The following EXTL3 variants were observed in gnomAD, a reference collection of about 807,000 sequenced individuals.
The protein encoded by EXTL3 is exostosin-like 3.
EXTL3 carries 27 observed loss-of-function variants against 69.3 expected under a neutral mutation model. The observed-to-expected ratio is 0.39, with a 90% CI of 0.29 to 0.54. EXTL3 has a LOEUF of 0.54. Ranked by LOEUF, EXTL3 falls within the 20% of genes least tolerant of loss-of-function variation. EXTL3 has a pLI of 0.69. For synonymous variants in EXTL3, 511 were observed against 499.4 expected (o/e 1.02, Z -0.31); for missense variants, 1,003 against 1,231.8 (o/e 0.81, Z 2.78).
At chr8:28,679,331 A>G (rs575307270) in intron 1 of EXTL3, among the ~76,000 whole-genome samples, 1 of 152,298 alleles carries the variant, frequency 6.6e-6, no homozygotes, top group South Asian at 2.1e-4. Context: ...CTGTAGTCCC[A>G]GCTACTCGGG....
chr8:28,712,577 T>TA (rs1801052770), intron 1 of EXTL3, among the ~76,000 whole-genome samples: 1 of 152,212 alleles, frequency 6.6e-6, no homozygotes, highest in African/African-American at 2.4e-5. Context: ...TAGAGGCTGA[T>TA]ATGTTTATTG....
At chr8:28,642,919 A>G (rs1806766704) in intron 1 of EXTL3, among the ~76,000 whole-genome samples, 1 of 149,090 alleles carries the variant, frequency 6.7e-6, no homozygotes, top group African/African-American at 2.5e-5. Flanking sequence ...GCAAAAGAAA[A>G]TGTGCAATAC....
At chr8:28,636,455 G>A (rs1806657443) in intron 1 of EXTL3, among the ~76,000 whole-genome samples, 1 of 152,150 alleles carries the variant, frequency 6.6e-6, no homozygotes, top group Non-Finnish European at 1.5e-5. Flanking sequence ...GATTGGGGCT[G>A]GAAGGATCTT....
chr8:28,740,247 T>C (rs1041720890), intron 5 of EXTL3: 3 of 152,224 alleles, frequency 2.0e-5, no homozygotes, highest in African/African-American at 7.2e-5. Context: ...CTTCATGCGC[T>C]TACCTGCCTG....
intron 3 of EXTL3, among the ~76,000 whole-genome samples, chr8:28,719,387 G>C (rs1352942017): frequency 6.6e-6 from 1 of 152,194 alleles, no homozygotes; most frequent in Non-Finnish European, 1.5e-5. Context: ...AAGCCAGTAT[G>C]TTTGTCTTGC....
At chr8:28,634,202 A>G (rs1411033686) in intron 1 of EXTL3, among the ~76,000 whole-genome samples, 2 of 152,136 alleles carry the variant, frequency 1.3e-5, no homozygotes, top group Non-Finnish European at 2.9e-5. Flanking sequence ...TTTAGCAAAA[A>G]TTCTCTTTTA....
intron 3 of EXTL3, among the ~76,000 whole-genome samples, chr8:28,718,768 CTT>C (rs140402394): frequency 7.9e-5 from 12 of 152,144 alleles, no homozygotes; most frequent in Non-Finnish European, 1.2e-4. Flanking sequence ...TCATAGAAGT[CTT>C]TTGGAAGACT....
In EXTL3 at chr8:28,743,038, A is replaced by G. The variant is rs145932235; in HGVS notation, c.2422-48A>G. 349 of 1,612,506 alleles carry G rather than the reference A, an allele frequency of 2.2e-4. 2 individuals carry two copies. The East Asian group carries it at 7.2e-3, about 33-fold the overall frequency. ...TGCATATTTTGGCTGAAAGCCAACA[A>G]CCTGTGTCTTGTAACAGAGCATGTG... On this transcript the variant is annotated intron_variant, in intron 5 of 6. Coordinates refer to ENST00000220562, the MANE Select transcript of EXTL3 (RefSeq NM_001440.4).
At position 28,717,159 on chromosome 8, in the gene EXTL3, T is replaced by C. The variant is rs748931118; in HGVS notation, c.1100T>C (p.Met367Thr). 3 of 1,614,020 alleles carry C rather than the reference T, an allele frequency of 1.9e-6. No individual in the cohort carries two copies. The highest frequency in any genetic ancestry group is 2.7e-5 in the African/African-American group (2 of 74,892). Residue 367 changes from methionine (M) to threonine (T), a missense_variant, in exon 3 of 7, where the codon ATG (methionine) becomes ACG (threonine). Physicochemically the swap from Met to Thr is moderately conservative, Grantham distance 81. Coordinates refer to ENST00000220562, the MANE Select transcript of EXTL3 (RefSeq NM_001440.4). This position sits in a 1 kb window ranked among gnomAD's most constrained non-coding sequence, Gnocchi z 8.3. ...LQEARSFEEE[M>T]EGDPPADYDD... is the part of the protein sequence containing the mutation. ...GAGGCCCGCTCCTTCGAAGAGGAAA[T>C]GGAGGGCGACCCTCCCGCCGACTAC...
At chr8:28,659,884 A>C (rs760957118) in intron 1 of EXTL3, among the ~76,000 whole-genome samples, 49 of 152,070 alleles carry the variant, frequency 3.2e-4, no homozygotes, top group Admixed American at 6.5e-5. Context: ...CCCTGTGTCT[A>C]ATTCTGCCTG....
intron 6 of EXTL3, among the ~76,000 whole-genome samples, chr8:28,745,139 A>G (rs1801862232): frequency 6.6e-6 from 1 of 151,446 alleles, no homozygotes; most frequent in African/African-American, 2.4e-5. Context: ...TCAAGGCTGA[A>G]TGTGCCATGG....
upstream of EXTL3, among the ~76,000 whole-genome samples, chr8:28,620,942 T>C (rs1182286367): frequency 6.6e-6 from 1 of 152,196 alleles, no homozygotes; most frequent in Non-Finnish European, 1.5e-5. Context: ...CTCTAACTTC[T>C]GAGCTCAAGC....
chr8:28,686,872 C>G (rs767346663), intron 1 of EXTL3, among the ~76,000 whole-genome samples: 13 of 152,068 alleles, frequency 8.5e-5, no homozygotes, highest in Non-Finnish European at 1.9e-4. Flanking sequence ...TCACAAAAAG[C>G]TGAGGTCAGA....
At chr8:28,636,846 A>G (rs1377781969) in intron 1 of EXTL3, among the ~76,000 whole-genome samples, 1 of 152,182 alleles carries the variant, frequency 6.6e-6, no homozygotes, top group Non-Finnish European at 1.5e-5. Context: ...CCCTGTCTCT[A>G]CTAAAAATAC....
intron 2 of EXTL3, among the ~76,000 whole-genome samples, chr8:28,613,001 G>C (rs1265728193): frequency 1.3e-5 from 2 of 152,012 alleles, no homozygotes; most frequent in African/African-American, 4.8e-5. Flanking sequence ...TTATAGGTGG[G>C]AGTCACCACA....
At chr8:28,724,386 A>C (rs1801364917) in intron 3 of EXTL3, among the ~76,000 whole-genome samples, 1 of 152,214 alleles carries the variant, frequency 6.6e-6, no homozygotes, top group South Asian at 2.1e-4. Context: ...AAACCAATGC[A>C]CTGTTACCTT....
intron 1 of EXTL3, among the ~76,000 whole-genome samples, chr8:28,706,224 A>G (rs1404743947): frequency 6.6e-6 from 1 of 152,216 alleles, no homozygotes; most frequent in Non-Finnish European, 1.5e-5. Flanking sequence ...TTGCTCACCT[A>G]AAATATATTC....
In EXTL3 at chr8:28,665,063, C is replaced by CTT. The variant is rs1222832851; in HGVS notation, c.-53+42278_-53+42279dup. Among the ~76,000 whole-genome samples, 175 of 62,402 alleles carry CTT rather than the reference C, an allele frequency of 2.8e-3. 16 individuals are homozygous for CTT. Among genetic ancestry groups the CTT allele is most frequent in the Non-Finnish European group, 4.0e-3 (127 of 31,832 alleles). The allele number at this position is 62,402 out of a possible 152,430, so 40.9% of individuals were successfully genotyped here. ...TTTTTATTCTGAAAGTTTTCCTTTACTTTTTTTTTTTTTTTTTTTTTTTTT... is the reference window on the plus strand; with the variant it reads ...TTTTTATTCTGAAAGTTTTCCTTTACTTTTTTTTTTTTTTTTTTTTTTTTTTT... On this transcript the variant is annotated intron_variant, in intron 1 of 6. Transcript: ENST00000523149.
upstream of EXTL3, chr8:28,701,226 C>G (rs1196510921): frequency 5.3e-5 from 8 of 152,196 alleles, no homozygotes; most frequent in Non-Finnish European, 1.5e-5. Flanking sequence ...AGCATCCTCC[C>G]CGCCATCTGC....
Sources: gnomAD v4.1 joint callset for allele counts (sites outside exome capture counted in the v4.1 genomes callset) on GRCh38, gnomAD v4.1.1 for gene constraint, Gnocchi (gnomAD v3.1) non-coding constraint, MANE v1.5 for transcripts, NCBI Gene and HGNC (gene_info 2026-07-23, HGNC 2026-07-21) for gene names.